NAALADL2: variants seen among roughly 807,000 people sequenced by gnomAD.
The protein encoded by NAALADL2 is N-acetylated alpha-linked acidic dipeptidase like 2.
NAALADL2 carries 76 observed loss-of-function variants against 87.2 expected under a neutral mutation model. The observed-to-expected ratio is 0.87, with a 90% CI of 0.72 to 1.05. The LOEUF is 1.05. Ranked by LOEUF, NAALADL2 falls within the 50% of genes least tolerant of loss-of-function variation. NAALADL2 has a pLI of 0.00. For missense variants in NAALADL2, 1,089 were observed against 945.8 expected, an observed-to-expected ratio of 1.15 and a Z score of -1.99; for synonymous variants, 354 against 331.0, an observed-to-expected ratio of 1.07 and a Z score of -0.75.
At chr3:174,471,407 A>T (rs987973287) in intron 1 of NAALADL2, among the ~76,000 whole-genome samples, 26 of 152,234 alleles carry the variant, frequency 1.7e-4, no homozygotes, top group African/African-American at 5.8e-4. Flanking sequence ...CAAATATAGA[A>T]TCCTCACGCA....
In NAALADL2 at chr3:175,032,337, C is replaced by G. The variant is rs1324797214; in HGVS notation, c.44-64453C>G. On this transcript the variant is annotated intron_variant, in intron 1 of 13. Coordinates refer to ENST00000454872, the MANE Select transcript of NAALADL2 (RefSeq NM_207015.3). ...TCTCAAAAAATTAGCATTTTTTTAA[C>G]AAATACTAGTGCTAGTGATATCCAT... 2.0e-5 allele frequency among the ~76,000 whole-genome samples: 3 copies of G among 151,950 alleles called. No homozygotes were observed. The East Asian group carries it at 5.8e-4, about 29-fold the overall frequency.
chr3:174,778,629 G>T (rs1010938188), intron 3 of NAALADL2, among the ~76,000 whole-genome samples: 1 of 151,724 alleles, frequency 6.6e-6, no homozygotes, highest in Admixed American at 6.6e-5. Context: ...CCCTCTCCTA[G>T]ACCCCCACCC....
chr3:175,014,446 G>T (rs1047928866), intron 1 of NAALADL2, among the ~76,000 whole-genome samples: 1 of 152,036 alleles, frequency 6.6e-6, no homozygotes, highest in Non-Finnish European at 1.5e-5. Flanking sequence ...CTAGACATTA[G>T]CCTCTTTTAG....
intron 1 of NAALADL2, among the ~76,000 whole-genome samples, chr3:174,932,850 G>T (rs2108428451): frequency 6.6e-6 from 1 of 152,264 alleles, no homozygotes; most frequent in South Asian, 2.1e-4. Context: ...GGGCACGGTG[G>T]CTCACACCTA....
intron 2 of NAALADL2, among the ~76,000 whole-genome samples, chr3:174,570,068 C>T (rs1285009500): frequency 1.3e-5 from 2 of 152,086 alleles, no homozygotes; most frequent in Non-Finnish European, 2.9e-5. Context: ...CACTTCCAGT[C>T]AGAATGCAAC....
chr3:175,379,530 G>GT lies in NAALADL2; in HGVS notation c.1090+55217dup, dbSNP rs113993750. Among the ~76,000 whole-genome samples the GT allele has an allele frequency of 2.3e-3, 316 of 137,058 alleles. 1 individual carries two copies. Among genetic ancestry groups the GT allele is most frequent in the Middle Eastern group, 7.4e-3 (2 of 272 alleles). The allele number at this position is 137,058 out of a possible 152,430, so 89.9% of individuals were successfully genotyped here. A position where few individuals can be genotyped will look rare whatever the true frequency, so the allele number is the denominator to read the frequency against. ...AGTTGTCCACAATCCACATCTTTTT[G>GT]TTTTTTTTTTTTCCTTTTTTTAAGA... On this transcript the variant is annotated intron_variant, in intron 5 of 13. Coordinates refer to ENST00000454872, the MANE Select transcript of NAALADL2 (RefSeq NM_207015.3).
intron 1 of NAALADL2, among the ~76,000 whole-genome samples, chr3:175,044,255 C>T (rs1045795416): frequency 2.6e-5 from 4 of 152,014 alleles, no homozygotes; most frequent in Non-Finnish European, 4.4e-5. Context: ...TGTAGATGCT[C>T]CAGAAAGGGA....
intron 2 of NAALADL2, among the ~76,000 whole-genome samples, chr3:174,716,699 G>T (rs913582217): frequency 6.6e-6 from 1 of 151,578 alleles, no homozygotes; most frequent in African/African-American, 2.4e-5. Flanking sequence ...GTGTGTACAG[G>T]CTGGACATGT....
At chr3:174,879,666 T>A (rs1445800602) in intron 1 of NAALADL2, among the ~76,000 whole-genome samples, 1 of 151,990 alleles carries the variant, frequency 6.6e-6, no homozygotes, top group Non-Finnish European at 1.5e-5. Context: ...AATGAGATAT[T>A]CATAATTTTT....
At chr3:175,749,626 A>C (rs776507682) in intron 12 of NAALADL2, among the ~76,000 whole-genome samples, 1 of 152,216 alleles carries the variant, frequency 6.6e-6, no homozygotes, top group Non-Finnish European at 1.5e-5. Flanking sequence ...AGAGCCCCCA[A>C]GGCCTAATGG....
chr3:174,522,265 A>G (rs138395229), intron 1 of NAALADL2, among the ~76,000 whole-genome samples: 1 of 152,284 alleles, frequency 6.6e-6, no homozygotes, highest in East Asian at 1.9e-4. Context: ...TCTTGGTTTC[A>G]TACATTGTAA....
At chr3:175,035,178 T>A (rs755917137) in intron 1 of NAALADL2, among the ~76,000 whole-genome samples, 36 of 152,160 alleles carry the variant, frequency 2.4e-4, no homozygotes, top group Non-Finnish European at 4.4e-4. Flanking sequence ...CTGCATGACC[T>A]ATGCCTAGGT....
intron 5 of NAALADL2, among the ~76,000 whole-genome samples, chr3:175,435,325 C>A (rs573379963): frequency 5.9e-4 from 89 of 151,992 alleles, no homozygotes; most frequent in Non-Finnish European, 1.1e-3. Context: ...TCAATATGTA[C>A]TAAAGCAATA....
At chr3:175,317,858 G>T (rs1307070737) in intron 4 of NAALADL2, among the ~76,000 whole-genome samples, 1 of 152,048 alleles carries the variant, frequency 6.6e-6, no homozygotes, top group Non-Finnish European at 1.5e-5. Flanking sequence ...TAGCTAGTAA[G>T]ACTCTAACTT....
chr3:175,293,075 GTTA>G (rs1755868967), intron 4 of NAALADL2, among the ~76,000 whole-genome samples: 1 of 149,604 alleles, frequency 6.7e-6, no homozygotes, highest in East Asian at 1.9e-4. Context: ...GGGGAACTCG[GTTA>G]TTGTTCTGAA....
intron 5 of NAALADL2, among the ~76,000 whole-genome samples, chr3:175,348,678 C>T (rs977448780): frequency 3.9e-5 from 6 of 152,048 alleles, no homozygotes; most frequent in South Asian, 4.1e-4. Flanking sequence ...CTGTGTGTGA[C>T]GGTCTCTATG....
chr3:175,295,570 G>A (rs768702757), intron 4 of NAALADL2, among the ~76,000 whole-genome samples: 1 of 151,860 alleles, frequency 6.6e-6, no homozygotes, highest in Non-Finnish European at 1.5e-5. Context: ...CTTTCCAACT[G>A]TGCTTCTGTT....
chr3:175,179,366 G>C (rs1736135433), intron 2 of NAALADL2, among the ~76,000 whole-genome samples: 1 of 151,880 alleles, frequency 6.6e-6, no homozygotes, highest in Non-Finnish European at 1.5e-5. Flanking sequence ...ACTGACCTTT[G>C]TTAGAGACAG....
rs71634279 is a variant in NAALADL2, at chr3:174,765,143, CGAGAGA to C, written c.-9+27420_-9+27425del. Among the ~76,000 whole-genome samples the C allele has an allele frequency of 1.5e-3, 181 of 124,634 alleles. 1 individual carries two copies. The highest frequency in any genetic ancestry group is 0.01 in the East Asian group (51 of 4,906). 81.8% of individuals were successfully genotyped at this position (124,634 alleles called of 152,430 possible). On this transcript the variant is annotated intron_variant, in intron 3 of 3. Coordinates refer to the NAALADL2 transcript ENST00000434257. Reference sequence around the variant, plus strand: ...ACACATACACACACACACACACACACGAGAGAGAGAGAGAGAGAGAGAGAGAGACAG... The same window carrying C: ...ACACATACACACACACACACACACACGAGAGAGAGAGAGAGAGAGAGACAG...
Sources: gnomAD v4.1 joint callset for allele counts (sites outside exome capture counted in the v4.1 genomes callset) on GRCh38, gnomAD v4.1.1 for gene constraint, MANE v1.5 for transcripts, NCBI Gene and HGNC (gene_info 2026-07-23, HGNC 2026-07-21) for gene names.